Variants in PCNX4 observed in about 807,000 individuals in gnomAD.
PCNX4 encodes pecanex 4.
A neutral mutation model predicts 107.2 loss-of-function variants in PCNX4; 103 were observed. The observed-to-expected ratio is 0.96, with a 90% confidence interval of 0.82 to 1.13. The LOEUF (loss-of-function observed/expected upper bound fraction) is 1.13. PCNX4 is among the 50% of genes most tolerant of loss of function. PCNX4 has a pLI of 0.00. For missense variants in PCNX4, 1,528 were observed against 1,379.4 expected (o/e 1.11, Z -1.71); for synonymous variants, 541 against 481.7 (o/e 1.12, Z -1.61).
In PCNX4 at chr14:60,115,047, GTTCTT is replaced by G; in HGVS notation, c.947_951del (p.Leu316HisfsTer14). On this transcript the variant is annotated frameshift_variant, in exon 4 of 11. Coordinates refer to ENST00000406854, the MANE Select transcript of PCNX4 (RefSeq NM_001330177.2). LOFTEE classifies it high-confidence loss of function. ...TTTCATTCCAAGCACTGTTGGTGTGGTTCTTTTCATGACTGGATTTGGTTTCTTGC... is the reference window on the plus strand; with the variant it reads ...TTTCATTCCAAGCACTGTTGGTGTGGTTCATGACTGGATTTGGTTTCTTGC... 6.2e-7 allele frequency: 1 copy of G among 1,613,668 alleles called. No homozygotes were observed. The highest frequency in any genetic ancestry group is 8.5e-7 in the Non-Finnish European group (1 of 1,179,790).
Position 60,107,790 on chromosome 14 carries a change from C to T in PCNX4, c.152C>T (p.Pro51Leu). 6.2e-7 allele frequency: 1 copy of T among 1,612,758 alleles called. No individual in the cohort carries two copies. The highest frequency in any genetic ancestry group is 8.5e-7 in the Non-Finnish European group (1 of 1,179,816). ...YVNQIILFLMPWVWGGVGTLL... is the reference protein window; with the variant it reads ...YVNQIILFLMLWVWGGVGTLL... Reference sequence around the variant, plus strand: ...AATCAAATTATTCTTTTTCTAATGCCATGGGTTTGGGGTGGAGTCGGAACA... The same window carrying T: ...AATCAAATTATTCTTTTTCTAATGCTATGGGTTTGGGGTGGAGTCGGAACA... Residue 51 changes from proline to leucine, a missense_variant, in exon 2 of 11, where the codon CCA becomes CTA. Physicochemically the swap from Pro to Leu is moderately conservative, Grantham distance 98. Transcript: ENST00000406854.
At chr14:60,132,115 A>G (rs1255034822) in intron 10 of PCNX4, among the ~76,000 whole-genome samples, 4 of 152,164 alleles carry the variant, frequency 2.6e-5, no homozygotes, top group Non-Finnish European at 5.9e-5. Flanking sequence ...CAGTAGAGCC[A>G]CGCTTCCTCT....
In PCNX4 at chr14:60,114,728, C is replaced by G; in HGVS notation, c.718C>G (p.His240Asp). ...RFVVNMPALE[H>D]MNQILHILFV... ...TGTGGTAAATATGCCAGCTCTAGAA[C>G]ACATGAATCAGATTTTACACATCTT... The change falls in exon 3 of 11, where the codon CAC becomes GAC. Residue 240 changes from histidine to aspartate, a missense_variant. Transcript: ENST00000406854. 2 of 1,613,192 alleles carry G rather than the reference C, an allele frequency of 1.2e-6. No individual in the cohort carries two copies. The highest frequency in any genetic ancestry group is 1.7e-6 in the Non-Finnish European group (2 of 1,179,568).
At chr14:60,129,838 G>GA (rs1301760646) in intron 10 of PCNX4, among the ~76,000 whole-genome samples, 2 of 151,006 alleles carry the variant, frequency 1.3e-5, no homozygotes, top group African/African-American at 2.4e-5. Flanking sequence ...AAATAACTGA[G>GA]AAAAAAAGTG....
Position 60,141,984 on chromosome 14 carries a change from C to A in PCNX4, c.*7763C>A, listed in dbSNP as rs752300456. The A allele has an allele frequency of 2.0e-5, 3 of 152,184 alleles. No homozygotes were observed. The highest frequency in any genetic ancestry group is 4.4e-5 in the Non-Finnish European group (3 of 68,038). 9.4% of individuals were successfully genotyped at this position (152,184 alleles called of 1,614,324 possible). ...CAAGTTAATTGTACCTTTTGACATT[C>A]CCGCCAGCAGTTTATGTGTACAAAA... On this transcript the variant is annotated 3_prime_UTR_variant, in exon 11 of 11. Transcript: ENST00000406854.
intron 1 of PCNX4, among the ~76,000 whole-genome samples, chr14:60,092,956 A>G (rs774288297): frequency 4.6e-5 from 7 of 152,000 alleles, no homozygotes; most frequent in African/African-American, 9.7e-5. Context: ...ATTTTTTACT[A>G]TTTTTAGGTG....
rs1896235027 is a variant in PCNX4 at position 60,136,005 on chromosome 14, A to C, written c.*1784A>C. On this transcript the variant is annotated 3_prime_UTR_variant, in exon 11 of 11. Transcript: ENST00000406854. ...CTTCGCTTAACCTTGCATCCTCCTC[A>C]AAGTGCTCCCATATCTCCATTTCAT... 6.6e-6 allele frequency: 1 copy of C among 152,014 alleles called. No homozygotes were observed. Among genetic ancestry groups the C allele is most frequent in the Non-Finnish European group, 1.5e-5 (1 of 67,996 alleles). The allele number at this position is 152,014 out of a possible 1,614,324, so 9.4% of individuals were successfully genotyped here. A position where few individuals can be genotyped will look rare whatever the true frequency, so the allele number is the denominator to read the frequency against.
chr14:60,110,068 A>T (rs118175146), intron 2 of PCNX4: 1 of 167,088 alleles, frequency 6.0e-6, no homozygotes, highest in East Asian at 1.9e-4. Flanking sequence ...CATATTGTAA[A>T]ACATGAGAAA....
intron 1 of PCNX4, 73 bp downstream of exon 1, chr14:60,092,492 A>G (rs1007613617): frequency 6.6e-6 from 1 of 152,268 alleles, no homozygotes; most frequent in African/African-American, 2.4e-5. Flanking sequence ...CGGAGAGCCA[A>G]GTTGTTCTAG....
chr14:60,115,496 A>G, intron 4 of PCNX4, 35 bp downstream of exon 4: 1 of 1,502,902 alleles, frequency 6.7e-7, no homozygotes, highest in Non-Finnish European at 8.8e-7. Flanking sequence ...TTGTGTTACA[A>G]ATCATATCCT....
At chr14:60,092,612 T>C (rs1326954736) in intron 1 of PCNX4, among the ~76,000 whole-genome samples, 193 bp downstream of exon 1, 1 of 152,216 alleles carries the variant, frequency 6.6e-6, no homozygotes, top group Non-Finnish European at 1.5e-5. Flanking sequence ...TTCAGTGTGA[T>C]TTTAACTTTC....
chr14:60,123,739 G>T (rs1313832313), intron 8 of PCNX4, among the ~76,000 whole-genome samples: 1 of 152,128 alleles, frequency 6.6e-6, no homozygotes, highest in Non-Finnish European at 1.5e-5. Context: ...GCATTCTGAT[G>T]TTATAAATCT....
chr14:60,121,184 A>AT lies in PCNX4; in HGVS notation c.1943-12_1943-11insT. ...TTCTTTTTTTTTTTTTTTTTTTTCT[A>AT]ATTTGTTGTAGGTCTCCTCCTACCT... On this transcript the variant is annotated splice_polypyrimidine_tract_variant and intron_variant, in intron 7 of 10. Transcript: ENST00000406854. The AT allele has an allele frequency of 8.8e-7, 1 of 1,142,320 alleles. No homozygotes were observed. The highest frequency in any genetic ancestry group is 2.3e-5 in the South Asian group (1 of 42,764). 70.8% of individuals were successfully genotyped at this position (1,142,320 alleles called of 1,614,324 possible).
chr14:60,105,443 A>G (rs150527702), intron 1 of PCNX4, among the ~76,000 whole-genome samples: 1 of 152,252 alleles, frequency 6.6e-6, no homozygotes, highest in South Asian at 2.1e-4. Flanking sequence ...AATGTTACAG[A>G]TAAAATACAC....
At chr14:60,105,811 G>T (rs547097626) in intron 1 of PCNX4, among the ~76,000 whole-genome samples, 1 of 152,252 alleles carries the variant, frequency 6.6e-6, no homozygotes, top group African/African-American at 2.4e-5. Flanking sequence ...ACCCTACCTT[G>T]TTTCCAAGTT....
chr14:60,094,065 T>C (rs1895369481), intron 1 of PCNX4, among the ~76,000 whole-genome samples: 1 of 152,232 alleles, frequency 6.6e-6, no homozygotes, highest in South Asian at 2.1e-4. Flanking sequence ...TTTCTCATTA[T>C]TGAATTGTAA....
rs1007249256 is a variant in PCNX4, at chr14:60,139,825, T to A, written c.*5604T>A. ...AATACACTTTTAAATAACTCATGGA[T>A]CAGACAATAAATTACAATGAAAATT... On this transcript the variant is annotated 3_prime_UTR_variant, in exon 11 of 11. Coordinates refer to ENST00000406854, the MANE Select transcript of PCNX4 (RefSeq NM_001330177.2). 1.3e-5 allele frequency: 2 copies of A among 152,014 alleles called. No individual in the cohort carries two copies. The highest frequency in any genetic ancestry group is 4.8e-5 in the African/African-American group (2 of 41,412). 9.4% of individuals were successfully genotyped at this position (152,014 alleles called of 1,614,324 possible).
Position 60,146,946 on chromosome 14 carries a change from A to G in PCNX4, c.*12725A>G, listed in dbSNP as rs1039875694. 1 of 152,200 alleles carries G rather than the reference A, an allele frequency of 6.6e-6. No individual in the cohort carries two copies. Among genetic ancestry groups the G allele is most frequent in the Non-Finnish European group, 1.5e-5 (1 of 68,056 alleles). The allele number at this position is 152,200 out of a possible 1,614,324, so 9.4% of individuals were successfully genotyped here. ...GGGAGATCTTGGTCAAAAGGTACAC[A>G]TTTTGGCCAGGCACAGTGGCTCACA... On this transcript the variant is annotated 3_prime_UTR_variant, in exon 11 of 11. Coordinates refer to ENST00000406854, the MANE Select transcript of PCNX4 (RefSeq NM_001330177.2). This position sits in a 1 kb window ranked among gnomAD's most constrained non-coding sequence, Gnocchi z 4.9.
chr14:60,121,425 A>G, intron 8 of PCNX4, 126 bp downstream of exon 8: 1 of 999,338 alleles, frequency 1.0e-6, no homozygotes, highest in Non-Finnish European at 1.4e-6. Flanking sequence ...GAAAACACCT[A>G]GGGATTTTTA....
Sources: gnomAD v4.1 joint callset for allele counts (sites outside exome capture counted in the v4.1 genomes callset) on GRCh38, gnomAD v4.1.1 for gene constraint, Gnocchi (gnomAD v3.1) non-coding constraint, MANE v1.5 for transcripts, NCBI Gene and HGNC (gene_info 2026-07-23, HGNC 2026-07-21) for gene names.